BCL2: variants seen among roughly 807,000 people sequenced by gnomAD.
The protein encoded by BCL2 is BCL2 apoptosis regulator, also known as apoptosis regulator Bcl-2.
In BCL2, 1 loss-of-function variant was observed where a neutral mutation model predicts 14.2. The observed-to-expected ratio is 0.07, with a 90% CI of 0.02 to 0.33. BCL2 has a LOEUF of 0.33. BCL2 is among the 10% of genes least tolerant of loss of function. BCL2 has a pLI of 0.99. For missense variants in BCL2, 247 were observed against 305.9 expected, an observed-to-expected ratio of 0.81 and a Z score of 1.44; for synonymous variants, 151 against 137.2, an observed-to-expected ratio of 1.10 and a Z score of -0.70.
chr18:63,126,917 A>G lies in BCL2; in HGVS notation c.*1708T>C, dbSNP rs1913924560. 8.8e-6 allele frequency: 2 copies of G among 227,350 alleles called. No individual in the cohort carries two copies. The highest frequency in any genetic ancestry group is 5.7e-5 in the Admixed American group (1 of 17,566). The allele number at this position is 227,350 out of a possible 1,614,324, so 14.1% of individuals were successfully genotyped here. On this transcript the variant is annotated 3_prime_UTR_variant, in exon 3 of 3. Transcript: ENST00000333681. Reference sequence around the variant, plus strand: ...ATGGTATATAATGCAATAATGCCACAGAGTTATTCCATCAATGTTTCAAGG... The same window carrying G: ...ATGGTATATAATGCAATAATGCCACGGAGTTATTCCATCAATGTTTCAAGG...
chr18:63,256,845 C>T (rs1201932983), intron 2 of BCL2, among the ~76,000 whole-genome samples: 5 of 152,160 alleles, frequency 3.3e-5, no homozygotes, highest in Admixed American at 1.3e-4. Flanking sequence ...GAGTCATTAA[C>T]AGTATGTTCT....
At chr18:63,185,959 A>G (rs532076711) in intron 2 of BCL2, among the ~76,000 whole-genome samples, 1 of 152,346 alleles carries the variant, frequency 6.6e-6, no homozygotes, top group Admixed American at 6.5e-5. Flanking sequence ...AACAGCTTGG[A>G]GCTTTAGGAT....
chr18:63,266,873 C>T (rs1911848418), intron 2 of BCL2, among the ~76,000 whole-genome samples: 3 of 152,146 alleles, frequency 2.0e-5, no homozygotes, highest in South Asian at 2.1e-4. Flanking sequence ...GCCTTTAGGT[C>T]AGTGCCTGGC....
At chr18:63,246,000 G>C (rs1911141703) in intron 2 of BCL2, among the ~76,000 whole-genome samples, 1 of 152,112 alleles carries the variant, frequency 6.6e-6, no homozygotes, top group Non-Finnish European at 1.5e-5. Flanking sequence ...TCTGTGAAAG[G>C]TATCCTTTGT....
chr18:63,284,669 G>A (rs1419182981), intron 2 of BCL2, among the ~76,000 whole-genome samples: 2 of 152,202 alleles, frequency 1.3e-5, no homozygotes, highest in Non-Finnish European at 2.9e-5. Context: ...ACCTTCAAAT[G>A]TATGACTCAA....
intron 2 of BCL2, among the ~76,000 whole-genome samples, chr18:63,229,961 T>C (rs17070841): frequency 0.11 from 17,454 of 152,124 alleles, 1,633 homozygotes; most frequent in African/African-American, 0.26. Flanking sequence ...CACATCTCTA[T>C]GAAATTGACA....
rs528160696 is a variant in BCL2, at chr18:63,153,185, T to C, written c.586-24426A>G. ...TCAGTTCTCCTCTCGTTCTCTGCAA[T>C]GCTTAAATCTAACTCATGTTAGATG... is the stretch of plus-strand genomic sequence containing the variant. On this transcript the variant is annotated intron_variant, in intron 2 of 2. Coordinates refer to ENST00000333681, the MANE Select transcript of BCL2 (RefSeq NM_000633.3). Among the ~76,000 whole-genome samples, 19 of 152,360 alleles carry C rather than the reference T, an allele frequency of 1.2e-4. No individual in the cohort carries two copies. In the South Asian group the frequency reaches 3.9e-3, roughly 32 times the overall value.
In BCL2 at chr18:63,169,287, TCTTTCTTTCTTTCTTTCTTTCTTC is replaced by T. The variant is rs1391835499; in HGVS notation, c.586-40552_586-40529del. The stretch of plus-strand genomic sequence containing the variant: ...TTCTTTCTTTCTTTCTTTCTTTCTT[TCTTTCTTTCTTTCTTTCTTTCTTC>T]CTTCCTTCCTTCTTTCCTTTCCTTC... On this transcript the variant is annotated intron_variant, in intron 2 of 2. Coordinates refer to ENST00000333681, the MANE Select transcript of BCL2 (RefSeq NM_000633.3). 2.3e-3 allele frequency among the ~76,000 whole-genome samples: 159 copies of T among 70,568 alleles called. 8 individuals are homozygous for T. Among genetic ancestry groups the T allele is most frequent in the Non-Finnish European group, 2.5e-3 (104 of 41,790 alleles). 46.3% of individuals were successfully genotyped at this position (70,568 alleles called of 152,430 possible). A position where few individuals can be genotyped will look rare whatever the true frequency, so the allele number is the denominator to read the frequency against.
Position 63,148,377 on chromosome 18 carries a change from C to T in BCL2, c.586-19618G>A, listed in dbSNP as rs78151995. Among the ~76,000 whole-genome samples, 299 of 152,150 alleles carry T rather than the reference C, an allele frequency of 2.0e-3. 7 individuals are homozygous for T. Among genetic ancestry groups the T allele is most frequent in the Admixed American group, 0.013 (205 of 15,300 alleles). ...TCAAAAGAAATGCAATTACAAGGGA[C>T]AGGGAACTGTATCATTTTTAATATA... is the stretch of plus-strand genomic sequence containing the variant. On this transcript the variant is annotated intron_variant, in intron 2 of 2. Coordinates refer to ENST00000333681, the MANE Select transcript of BCL2 (RefSeq NM_000633.3).
At chr18:63,202,636 T>G (rs758704823) in intron 2 of BCL2, among the ~76,000 whole-genome samples, 1 of 152,246 alleles carries the variant, frequency 6.6e-6, no homozygotes, top group Non-Finnish European at 1.5e-5. Flanking sequence ...GTATTATTGC[T>G]TGGCTGTATT....
chr18:63,231,739 T>G (rs530492957), intron 2 of BCL2, among the ~76,000 whole-genome samples: 1 of 152,202 alleles, frequency 6.6e-6, no homozygotes, highest in South Asian at 2.1e-4. Context: ...AGTGAGAAGA[T>G]TCCACAATTT....
chr18:63,230,462 T>C (rs1910660110), intron 2 of BCL2, among the ~76,000 whole-genome samples: 1 of 152,040 alleles, frequency 6.6e-6, no homozygotes, highest in Non-Finnish European at 1.5e-5. Context: ...ATGGTTAAAG[T>C]AGCAGGAAGG....
chr18:63,233,426 C>T, intron 2 of BCL2, among the ~76,000 whole-genome samples: 1 of 152,128 alleles, frequency 6.6e-6, no homozygotes, highest in East Asian at 1.9e-4. Flanking sequence ...TGACAGTGGT[C>T]CCCAACCTTT....
chr18:63,251,043 AT>A (rs1207370742), intron 2 of BCL2, among the ~76,000 whole-genome samples: 6 of 152,106 alleles, frequency 3.9e-5, no homozygotes, highest in Admixed American at 3.3e-4. Context: ...CGTAAGACAA[AT>A]TAACAGAAAG....
rs113352488 is a variant in BCL2 at position 63,198,177 on chromosome 18, TACAC to T, written c.586-69422_586-69419del. On this transcript the variant is annotated intron_variant, in intron 2 of 2. Coordinates refer to ENST00000333681, the MANE Select transcript of BCL2 (RefSeq NM_000633.3). Reference sequence around the variant, plus strand: ...ATGTAGAGACACACACACACAGACATACACACACACACACACACAGAGACACACA... The same window carrying T: ...ATGTAGAGACACACACACACAGACATACACACACACACACAGAGACACACA... Among the ~76,000 whole-genome samples, 790 of 140,176 alleles carry T rather than the reference TACAC, an allele frequency of 5.6e-3. 5 individuals are homozygous for T. The highest frequency in any genetic ancestry group is 7.8e-3 in the Non-Finnish European group (497 of 63,390). The allele number at this position is 140,176 out of a possible 152,430, so 92.0% of individuals were successfully genotyped here.
rs903145143 is a variant in BCL2 at position 63,149,909 on chromosome 18, T to C, written c.586-21150A>G. Among the ~76,000 whole-genome samples, 5 of 152,080 alleles carry C rather than the reference T, an allele frequency of 3.3e-5. No homozygotes were observed. The highest frequency in any genetic ancestry group is 1.2e-4 in the African/African-American group (5 of 41,384). On this transcript the variant is annotated intron_variant, in intron 2 of 2. Coordinates refer to ENST00000333681, the MANE Select transcript of BCL2 (RefSeq NM_000633.3). This position sits in a 1 kb window ranked among gnomAD's most constrained non-coding sequence, Gnocchi z 4.2. The stretch of plus-strand genomic sequence containing the variant: ...TATTTATTTTGAGACAGCGTCTCCC[T>C]CTGTCAGTTACCCAGGCTGGAGTGC...
intron 2 of BCL2, among the ~76,000 whole-genome samples, chr18:63,173,267 T>C (rs1240286636): frequency 2.0e-5 from 3 of 152,226 alleles, no homozygotes. Flanking sequence ...AGAAAGAAAC[T>C]GGCACATGTA....
intron 2 of BCL2, among the ~76,000 whole-genome samples, chr18:63,254,014 T>C (rs1599271581): frequency 6.6e-6 from 1 of 152,210 alleles, no homozygotes; most frequent in African/African-American, 2.4e-5. Flanking sequence ...TTAGTGTTTA[T>C]TTTCTACCCA....
chr18:63,141,794 C>T (rs954082125), intron 2 of BCL2, among the ~76,000 whole-genome samples: 1 of 152,244 alleles, frequency 6.6e-6, no homozygotes, highest in Non-Finnish European at 1.5e-5. Flanking sequence ...AACATAATCA[C>T]TGTGTGCTCC....
Sources: allele counts gnomAD v4.1 joint callset (sites outside exome capture counted in the v4.1 genomes callset), GRCh38; gene constraint gnomAD v4.1.1; non-coding constraint Gnocchi (gnomAD v3.1); transcripts MANE v1.5; gene names NCBI Gene and HGNC (gene_info 2026-07-23, HGNC 2026-07-21).